ARID3B: variants seen among roughly 807,000 people sequenced by gnomAD.
ARID3B encodes AT-rich interactive domain-containing protein 3B.
Under a neutral mutation model 51.9 loss-of-function variants are expected in ARID3B, and 10 were observed. The observed-to-expected ratio is 0.19, with a 90% CI of 0.12 to 0.33. The LOEUF (loss-of-function observed/expected upper bound fraction) is 0.33, where lower values mean the gene tolerates loss of function less well. Ranked by LOEUF, ARID3B falls within the 10% of genes least tolerant of loss-of-function variation. The pLI is 1.00. For missense variants in ARID3B, 483 were observed against 716.3 expected (o/e 0.67, Z 3.72); for synonymous variants, 205 against 279.5 (o/e 0.73, Z 2.66).
rs11854614 is a variant in ARID3B at position 74,573,113 on chromosome 15, T to C, written c.625-19T>C. Reference sequence around the variant, plus strand: ...GGAATTTTTCACTGTGTGTTTTTCTTGGGGGATTGGGATTGCAGCTGTATG... The same window carrying C: ...GGAATTTTTCACTGTGTGTTTTTCTCGGGGGATTGGGATTGCAGCTGTATG... On this transcript the variant is annotated intron_variant, in intron 3 of 8. Transcript: ENST00000346246. 9,998 of 1,613,170 alleles carry C rather than the reference T, an allele frequency of 6.2e-3. 568 individuals are homozygous for C. In the African/African-American group the frequency reaches 0.12, roughly 19 times the overall value.
At chr15:74,564,396 G>T (rs1016269228) in intron 2 of ARID3B, among the ~76,000 whole-genome samples, 15 of 152,186 alleles carry the variant, frequency 9.9e-5, no homozygotes, top group African/African-American at 3.1e-4. Flanking sequence ...CATTAATCAG[G>T]CCAGCAGTAG....
intron 2 of ARID3B, among the ~76,000 whole-genome samples, chr15:74,547,045 TTTG>T (rs1450851181): frequency 6.6e-6 from 1 of 152,166 alleles, no homozygotes; most frequent in African/African-American, 2.4e-5. Context: ...ACTAGCTTGT[TTTG>T]TTGTTCAAAA....
chr15:74,567,117 C>T (rs1027141119), intron 2 of ARID3B, among the ~76,000 whole-genome samples: 2 of 152,172 alleles, frequency 1.3e-5, no homozygotes, highest in Admixed American at 6.5e-5. Context: ...CCACTGTTCA[C>T]AGTTCAGAGT....
intron 2 of ARID3B, among the ~76,000 whole-genome samples, chr15:74,554,333 C>G (rs1425855582): frequency 1.3e-5 from 2 of 150,364 alleles, no homozygotes; most frequent in Non-Finnish European, 3.0e-5. Flanking sequence ...GATGGAGCCT[C>G]TCTCTGTCAC....
intron 4 of ARID3B, chr15:74,573,571 G>A (rs1042402780): frequency 2.4e-5 from 6 of 254,016 alleles, no homozygotes; most frequent in African/African-American, 1.3e-4. Context: ...CTAGTCTCAT[G>A]GAGAAAGGTA....
chr15:74,577,995 T>C (rs2061744141), intron 4 of ARID3B, among the ~76,000 whole-genome samples: 1 of 151,938 alleles, frequency 6.6e-6, no homozygotes, highest in African/African-American at 2.4e-5. Flanking sequence ...GTAGCTGAGA[T>C]TACAGCCATG....
At chr15:74,585,891 TG>T (rs1322045027) in intron 4 of ARID3B, among the ~76,000 whole-genome samples, 1 of 152,242 alleles carries the variant, frequency 6.6e-6, no homozygotes, top group African/African-American at 2.4e-5. Flanking sequence ...CTTTTGTGTC[TG>T]GATTATCTGA....
intron 1 of ARID3B, among the ~76,000 whole-genome samples, chr15:74,541,585 A>T (rs1427354287): frequency 1.3e-5 from 2 of 151,568 alleles, no homozygotes; most frequent in Admixed American, 6.6e-5. Flanking sequence ...GTGGGCGCGC[A>T]GATAGGTGGG....
chr15:74,597,389 A>G lies in ARID3B; in HGVS notation c.*1615A>G. On this transcript the variant is annotated 3_prime_UTR_variant, in exon 9 of 9. Transcript: ENST00000346246. ...GCGTGGCTCGCATTCAGTCCTGTGT[A>G]GGAGAGGAAAGGGAATCAAAAGCTT... The G allele has an allele frequency of 2.2e-6, 1 of 446,196 alleles. No individual in the cohort carries two copies. The highest frequency in any genetic ancestry group is 3.4e-5 in the Admixed American group (1 of 29,496). 27.6% of individuals were successfully genotyped at this position (446,196 alleles called of 1,614,324 possible).
At chr15:74,572,298 G>C (rs2061721819) in intron 2 of ARID3B, among the ~76,000 whole-genome samples, 1 of 152,184 alleles carries the variant, frequency 6.6e-6, no homozygotes, top group Admixed American at 6.5e-5. Context: ...TCTGTACCTT[G>C]GAAACAATCT....
chr15:74,596,864 G>C lies in ARID3B; in HGVS notation c.*1090G>C, dbSNP rs2061828228. On this transcript the variant is annotated 3_prime_UTR_variant, in exon 9 of 9. Coordinates refer to ENST00000346246, the MANE Select transcript of ARID3B (RefSeq NM_006465.4). ...GAAAACAGATCACCCCCAAAGCCAA[G>C]CAAGTGATTGGGTAACCCGGCCCCT... 4.3e-6 allele frequency: 1 copy of C among 233,360 alleles called. No homozygotes were observed. The highest frequency in any genetic ancestry group is 8.5e-6 in the Non-Finnish European group (1 of 117,934). 14.5% of individuals were successfully genotyped at this position (233,360 alleles called of 1,614,324 possible).
rs1416928001 is a variant in ARID3B, at chr15:74,575,085, A to G, written c.697+1881A>G. 4 of 152,002 alleles carry G rather than the reference A, an allele frequency of 2.6e-5. No homozygotes were observed. In the East Asian group the frequency reaches 7.7e-4, roughly 29 times the overall value. The allele number at this position is 152,002 out of a possible 1,614,324, so 9.4% of individuals were successfully genotyped here. ...CCTCCCCGTTTGCCCTGAGAGAGAAATCCACTTAATACTTTGGTCTCCCCT... is the reference window on the plus strand; with the variant it reads ...CCTCCCCGTTTGCCCTGAGAGAGAAGTCCACTTAATACTTTGGTCTCCCCT... On this transcript the variant is annotated intron_variant, in intron 4 of 8. Coordinates refer to ENST00000346246, the MANE Select transcript of ARID3B (RefSeq NM_006465.4).
intron 4 of ARID3B, 34 bp downstream of exon 4, chr15:74,573,238 G>A (rs765304445): frequency 6.2e-7 from 1 of 1,601,044 alleles, no homozygotes; most frequent in Non-Finnish European, 8.6e-7. Flanking sequence ...TCCAATTCAG[G>A]GAATACTGAT....
At chr15:74,569,506 G>C (rs1055039597) in intron 2 of ARID3B, among the ~76,000 whole-genome samples, 1 of 152,186 alleles carries the variant, frequency 6.6e-6, no homozygotes. Flanking sequence ...AGAATCGCCT[G>C]AACCTAAGAG....
chr15:74,573,401 T>A (rs1169389902), intron 4 of ARID3B, 197 bp downstream of exon 4: 1 of 610,910 alleles, frequency 1.6e-6, no homozygotes, highest in Non-Finnish European at 2.9e-6. Context: ...TGGCACAAAG[T>A]AGATGGAATG....
In ARID3B at chr15:74,593,180, C is replaced by T. The variant is rs373930898; in HGVS notation, c.1463C>T (p.Thr488Met). The change falls in exon 8 of 9, where the codon ACG becomes ATG. Residue 488 changes from threonine to methionine, a missense_variant. Physicochemically the swap from Thr to Met is moderately conservative, Grantham distance 81. Transcript: ENST00000346246. The part of the protein sequence containing the change: ...EASAAALNLT[T>M]SSIGSINMSV... ...TCGGCTGCAGCACTGAACCTGACCA[C>T]GAGTAGCATTGGGAGCATTAACATG... 5.6e-6 allele frequency: 9 copies of T among 1,613,686 alleles called. No individual in the cohort carries two copies. Among genetic ancestry groups the T allele is most frequent in the African/African-American group, 2.7e-5 (2 of 74,916 alleles).
At chr15:74,582,760 CTGAAAG>C (rs2061766493) in intron 4 of ARID3B, among the ~76,000 whole-genome samples, 1 of 152,114 alleles carries the variant, frequency 6.6e-6, no homozygotes. Flanking sequence ...CTTGTGTTCA[CTGAAAG>C]ATACAGGTAA....
chr15:74,571,449 A>G (rs561417664), intron 2 of ARID3B, among the ~76,000 whole-genome samples: 3 of 152,322 alleles, frequency 2.0e-5, no homozygotes, highest in East Asian at 1.9e-4. Flanking sequence ...AGAAATGAAT[A>G]TGACAGGTTC....
intron 4 of ARID3B, among the ~76,000 whole-genome samples, chr15:74,582,272 A>G (rs2141473455): frequency 6.6e-6 from 1 of 150,832 alleles, no homozygotes; most frequent in Admixed American, 6.6e-5. Context: ...GGTTCACGCC[A>G]TTCTCCTGCC....
Sources: allele counts gnomAD v4.1 joint callset (sites outside exome capture counted in the v4.1 genomes callset), GRCh38; gene constraint gnomAD v4.1.1; transcripts MANE v1.5; gene names NCBI Gene and HGNC (gene_info 2026-07-23, HGNC 2026-07-21).